Variants in NEK7 observed in about 807,000 individuals in gnomAD.
NEK7 encodes serine/threonine-protein kinase Nek7.
In NEK7, 18 loss-of-function variants were observed where a neutral mutation model predicts 44.6. That is an observed-to-expected ratio of 0.40 (90% CI 0.28 to 0.60). NEK7 has a LOEUF of 0.60. Ranked by LOEUF, NEK7 falls within the 20% of genes least tolerant of loss-of-function variation. NEK7 has a pLI of 0.38. For missense variants in NEK7, 256 were observed against 366.5 expected, an observed-to-expected ratio of 0.70 and a Z score of 2.46; for synonymous variants, 130 against 121.1, an observed-to-expected ratio of 1.07 and a Z score of -0.48.
chr1:198,234,376 C>T (rs1458018236), intron 2 of NEK7, among the ~76,000 whole-genome samples: 2 of 151,834 alleles, frequency 1.3e-5, no homozygotes, highest in African/African-American at 2.4e-5. Flanking sequence ...AATAAACAAA[C>T]ATATCTATTA....
At chr1:198,247,883 G>A (rs796279496) in intron 2 of NEK7, among the ~76,000 whole-genome samples, 17 of 152,254 alleles carry the variant, frequency 1.1e-4, no homozygotes, top group African/African-American at 3.4e-4. Context: ...GCCTTTCTGC[G>A]TAAGTCTAGG....
intron 1 of NEK7, among the ~76,000 whole-genome samples, chr1:198,196,230 G>A (rs947180234): frequency 1.3e-5 from 2 of 152,180 alleles, no homozygotes; most frequent in East Asian, 3.9e-4. Context: ...TTTAAGTCAG[G>A]AAAGGGTTAT....
chr1:198,293,388 TTAATATATGA>T (rs1654617583), intron 8 of NEK7, among the ~76,000 whole-genome samples: 1 of 151,936 alleles, frequency 6.6e-6, no homozygotes, highest in Admixed American at 6.6e-5. Flanking sequence ...TGGATTGGAT[TTAATATATGA>T]AAGTATAGTA....
At chr1:198,163,697 G>A (rs901737303) in intron 1 of NEK7, among the ~76,000 whole-genome samples, 6 of 151,974 alleles carry the variant, frequency 3.9e-5, no homozygotes, top group African/African-American at 1.5e-4. Flanking sequence ...TTTATGGAAC[G>A]AATTATTTCT....
chr1:198,160,001 TTAAG>T (rs559792727), intron 1 of NEK7, among the ~76,000 whole-genome samples: 9 of 150,110 alleles, frequency 6.0e-5, no homozygotes, highest in Admixed American at 3.3e-4. Context: ...CTGTAAACAT[TTAAG>T]TATTCTTTTT....
At chr1:198,206,977 C>T (rs1665616706) in intron 1 of NEK7, 1 of 152,090 alleles carries the variant, frequency 6.6e-6, no homozygotes, top group African/African-American at 2.4e-5. Flanking sequence ...TAAGTCCATT[C>T]TAATTCAGTG....
intron 1 of NEK7, among the ~76,000 whole-genome samples, chr1:198,199,126 A>G (rs1665337218): frequency 6.6e-6 from 1 of 152,214 alleles, no homozygotes; most frequent in African/African-American, 2.4e-5. Context: ...AGAGATGGAG[A>G]TCTGCATATA....
intron 9 of NEK7, among the ~76,000 whole-genome samples, chr1:198,298,896 G>A (rs981705953): frequency 1.3e-5 from 2 of 152,212 alleles, no homozygotes; most frequent in African/African-American, 4.8e-5. Context: ...ACCACTAGTG[G>A]TTCGTTGAAG....
intron 9 of NEK7, among the ~76,000 whole-genome samples, chr1:198,308,525 G>C (rs1655081527): frequency 6.6e-6 from 1 of 152,166 alleles, no homozygotes; most frequent in Non-Finnish European, 1.5e-5. Flanking sequence ...TCTGATGAAT[G>C]CTATTTCTTG....
intron 4 of NEK7, among the ~76,000 whole-genome samples, chr1:198,262,889 G>A (rs10922393): frequency 0.14 from 20,951 of 151,598 alleles, 2,123 homozygotes; most frequent in East Asian, 0.57. Flanking sequence ...GATAAAATGG[G>A]CATAAAACAT....
At chr1:198,210,526 TTA>T (rs1343236883) in intron 1 of NEK7, among the ~76,000 whole-genome samples, 3 of 152,114 alleles carry the variant, frequency 2.0e-5, no homozygotes, top group Non-Finnish European at 4.4e-5. Context: ...ATGTACCTTC[TTA>T]TATGTAATCC....
chr1:198,250,406 A>G (rs1347092304), intron 2 of NEK7, among the ~76,000 whole-genome samples: 1 of 152,134 alleles, frequency 6.6e-6, no homozygotes, highest in Non-Finnish European at 1.5e-5. Context: ...GTTTTTTCCA[A>G]TTCTGTGAAG....
intron 1 of NEK7, among the ~76,000 whole-genome samples, chr1:198,211,844 A>G (rs1275539814): frequency 6.6e-6 from 1 of 152,180 alleles, no homozygotes; most frequent in Non-Finnish European, 1.5e-5. Context: ...TAACAGGAAA[A>G]CTGAAAGAAA....
At chr1:198,224,864 C>T (rs1225567974) in intron 1 of NEK7, among the ~76,000 whole-genome samples, 3 of 151,818 alleles carry the variant, frequency 2.0e-5, no homozygotes, top group African/African-American at 7.3e-5. Context: ...GATGGTGATA[C>T]ATGTAGAAAT....
At chr1:198,263,229 G>A (rs544743642) in intron 4 of NEK7, among the ~76,000 whole-genome samples, 41 of 151,894 alleles carry the variant, frequency 2.7e-4, no homozygotes, top group African/African-American at 9.4e-4. Flanking sequence ...TTAAGACTTC[G>A]CTCTTTTTTT....
At chr1:198,162,159 G>A (rs888423917) in intron 1 of NEK7, among the ~76,000 whole-genome samples, 2 of 152,126 alleles carry the variant, frequency 1.3e-5, no homozygotes, top group African/African-American at 4.8e-5. Flanking sequence ...CTACTGAGTA[G>A]CATAGAGCAG....
chr1:198,290,401 A>T lies in NEK7; in HGVS notation c.590-2544A>T, dbSNP rs563779845. Among the ~76,000 whole-genome samples the T allele has an allele frequency of 8.5e-5, 13 of 152,320 alleles. No homozygotes were observed. The East Asian group carries it at 2.5e-3, about 29-fold the overall frequency. On this transcript the variant is annotated intron_variant, in intron 7 of 9. Coordinates refer to ENST00000367385, the MANE Select transcript of NEK7 (RefSeq NM_133494.3). ...TATCTTCATTAATTTTGAAATGTTG[A>T]AAACATATCACTGCATTTAAATGTA...
chr1:198,258,044 C>T (rs1283310957), intron 3 of NEK7, among the ~76,000 whole-genome samples: 3 of 152,134 alleles, frequency 2.0e-5, no homozygotes, highest in Admixed American at 2.0e-4. Context: ...AGGAGGAGAG[C>T]ATTTTAGATA....
intron 1 of NEK7, among the ~76,000 whole-genome samples, chr1:198,184,313 T>A (rs1439439177): frequency 6.6e-6 from 1 of 152,094 alleles, no homozygotes; most frequent in Non-Finnish European, 1.5e-5. Context: ...TATGACTCAG[T>A]GCGATTTTTC....
Sources: allele counts gnomAD v4.1 joint callset (sites outside exome capture counted in the v4.1 genomes callset), GRCh38; gene constraint gnomAD v4.1.1; transcripts MANE v1.5; gene names NCBI Gene and HGNC (gene_info 2026-07-23, HGNC 2026-07-21).